XPNPEP3: variants seen among roughly 807,000 people sequenced by gnomAD.
The protein encoded by XPNPEP3 is xaa-Pro aminopeptidase 3.
A neutral mutation model predicts 60.0 loss-of-function variants in XPNPEP3; 41 were observed. That is an observed-to-expected ratio of 0.68 (90% confidence interval 0.53 to 0.89). The LOEUF (loss-of-function observed/expected upper bound fraction) is 0.89. Among genes scored for constraint, XPNPEP3 ranks in the 40% least tolerant of loss-of-function variants. The probability of loss-of-function intolerance (pLI) is 0.00; values close to 1 mark genes in which losing one functional copy is unlikely to be tolerated. For synonymous variants in XPNPEP3, 212 were observed against 223.2 expected, an observed-to-expected ratio of 0.95 and a Z score of 0.45; for missense variants, 598 against 638.9, an observed-to-expected ratio of 0.94 and a Z score of 0.69.
In XPNPEP3 at chr22:40,900,554, C is replaced by T. The variant is rs980198318; in HGVS notation, c.793-7033C>T. ...CTGGTAGGTGGAGGTTGTCATGAAC[C>T]GAGATCGCACCACTGCATTCCAGCC... is the stretch of plus-strand genomic sequence containing the variant. On this transcript the variant is annotated intron_variant, in intron 4 of 9. Coordinates refer to ENST00000357137, the MANE Select transcript of XPNPEP3 (RefSeq NM_022098.4). Among the ~76,000 whole-genome samples the T allele has an allele frequency of 3.9e-5, 6 of 151,956 alleles. No homozygotes were observed. The East Asian group carries it at 5.8e-4, about 15-fold the overall frequency.
At chr22:40,863,858 CTT>C (rs749773119) in intron 1 of XPNPEP3, among the ~76,000 whole-genome samples, 1 of 152,134 alleles carries the variant, frequency 6.6e-6, no homozygotes, top group Non-Finnish European at 1.5e-5. Context: ...GATTTTTAAA[CTT>C]GAGTCTAATT....
At chr22:40,873,788 C>A (rs1424401424) in intron 2 of XPNPEP3, among the ~76,000 whole-genome samples, 2 of 151,718 alleles carry the variant, frequency 1.3e-5, no homozygotes, top group Non-Finnish European at 2.9e-5. Context: ...CCGAGCAAGA[C>A]CGTCTCAAAA....
intron 2 of XPNPEP3, among the ~76,000 whole-genome samples, chr22:40,877,140 CTGTT>C (rs1200802455): frequency 6.6e-6 from 1 of 152,124 alleles, no homozygotes; most frequent in Non-Finnish European, 1.5e-5. Context: ...TGTAGCCTTT[CTGTT>C]TGTTTAGTTT....
chr22:40,909,683 T>G (rs1219266033), intron 6 of XPNPEP3, among the ~76,000 whole-genome samples: 1 of 152,120 alleles, frequency 6.6e-6, no homozygotes, highest in Non-Finnish European at 1.5e-5. Flanking sequence ...GAGAATTGCT[T>G]GAGCCCGGGA....
intron 6 of XPNPEP3, among the ~76,000 whole-genome samples, chr22:40,911,803 G>A (rs150252329): frequency 0.028 from 4,318 of 152,248 alleles, 93 homozygotes; most frequent in Non-Finnish European, 0.042. Context: ...GCCTCCCAAA[G>A]CGCTGGGATT....
In XPNPEP3 at chr22:40,861,442, T is replaced by A. The variant is rs756348480; in HGVS notation, c.64+4197T>A. The A allele has an allele frequency of 9.3e-6, 15 of 1,613,972 alleles. No homozygotes were observed. In the African/African-American group the frequency reaches 1.6e-4, roughly 17 times the overall value. ...ATTTTGTCTGAAGTTGTAACAGATA[T>A]GTAGTTGTCCATCCCACTATTATCA... On this transcript the variant is annotated intron_variant, in intron 1 of 9. Transcript: ENST00000357137.
chr22:40,860,446 C>A, intron 1 of XPNPEP3: 1 of 350,616 alleles, frequency 2.9e-6, no homozygotes, highest in Non-Finnish European at 5.1e-6. Context: ...AGTTATAATG[C>A]ATCAAATGCT....
intron 4 of XPNPEP3, among the ~76,000 whole-genome samples, chr22:40,889,569 T>G (rs539576613): frequency 6.6e-6 from 1 of 152,288 alleles, no homozygotes; most frequent in Admixed American, 6.5e-5. Context: ...GGCTCACCCC[T>G]ATAATCTCAG....
chr22:40,900,828 G>A (rs982402005), intron 4 of XPNPEP3, among the ~76,000 whole-genome samples: 4 of 152,030 alleles, frequency 2.6e-5, no homozygotes, highest in South Asian at 2.1e-4. Context: ...AGCTACTCAC[G>A]AGGCTGAGGT....
chr22:40,887,690 G>A (rs1371620631), intron 4 of XPNPEP3, among the ~76,000 whole-genome samples: 2 of 152,018 alleles, frequency 1.3e-5, no homozygotes, highest in African/African-American at 4.8e-5. Flanking sequence ...TTCAGTCCAT[G>A]GCACATGCAA....
intron 2 of XPNPEP3, among the ~76,000 whole-genome samples, chr22:40,879,150 C>T (rs2058037977): frequency 6.6e-6 from 1 of 152,076 alleles, no homozygotes; most frequent in Non-Finnish European, 1.5e-5. Context: ...GCCTAAGAAA[C>T]CTAGGAGACT....
At position 40,926,729 on chromosome 22, in the gene XPNPEP3, A is replaced by G. The variant is rs1308431060; in HGVS notation, c.*294A>G. 1 of 432,602 alleles carries G rather than the reference A, an allele frequency of 2.3e-6. No homozygotes were observed. Among genetic ancestry groups the G allele is most frequent in the Non-Finnish European group, 4.3e-6 (1 of 233,204 alleles). The allele number at this position is 432,602 out of a possible 1,614,324, so 26.8% of individuals were successfully genotyped here. On this transcript the variant is annotated 3_prime_UTR_variant, in exon 10 of 10. Coordinates refer to ENST00000357137, the MANE Select transcript of XPNPEP3 (RefSeq NM_022098.4). ...TTAAACATAAAGGTCTTGGTTACAC[A>G]TGTCCATGCATTCCAGTTAACACAT...
intron 2 of XPNPEP3, among the ~76,000 whole-genome samples, chr22:40,875,728 A>T (rs979382072): frequency 2.0e-5 from 3 of 151,994 alleles, no homozygotes; most frequent in Non-Finnish European, 4.4e-5. Flanking sequence ...AAAATAAATG[A>T]CTTGGCTGGG....
chr22:40,875,991 G>T (rs2058026376), intron 2 of XPNPEP3, among the ~76,000 whole-genome samples: 1 of 152,108 alleles, frequency 6.6e-6, no homozygotes, highest in Admixed American at 6.6e-5. Flanking sequence ...CTGTGCTCCA[G>T]CCTAGGCAAC....
intron 7 of XPNPEP3, among the ~76,000 whole-genome samples, chr22:40,916,251 C>T (rs1010320017): frequency 6.6e-6 from 1 of 151,658 alleles, no homozygotes; most frequent in African/African-American, 2.4e-5. Context: ...GAGATTGTAC[C>T]ACTGCACTCC....
At chr22:40,858,596 C>T (rs1420989816) in intron 1 of XPNPEP3, among the ~76,000 whole-genome samples, 1 of 131,868 alleles carries the variant, frequency 7.6e-6, no homozygotes, top group East Asian at 2.6e-4. Context: ...GTGGCGCGAT[C>T]TCTTGCCTTA....
chr22:40,922,478 AT>A lies in XPNPEP3; in HGVS notation c.1202del (p.Ile401ThrfsTer2). ...LIGQKLKDLG[I>X]MKNIKENNAF... ...AGGACAGAAGCTTAAAGACTTGGGG[AT>A]CATGAAGAACATTAAGGAAAATAAT... On this transcript the variant is annotated frameshift_variant, in exon 8 of 10. Transcript: ENST00000357137. LOFTEE classifies it high-confidence loss of function. The A allele has an allele frequency of 1.2e-6, 2 of 1,614,058 alleles. No homozygotes were observed. The highest frequency in any genetic ancestry group is 1.7e-6 in the Non-Finnish European group (2 of 1,179,996).
Position 40,897,704 on chromosome 22 carries a change from A to G in XPNPEP3, c.793-9883A>G, listed in dbSNP as rs149452930. Among the ~76,000 whole-genome samples, 99 of 152,272 alleles carry G rather than the reference A, an allele frequency of 6.5e-4. 1 individual carries two copies. Among genetic ancestry groups the G allele is most frequent in the African/African-American group, 2.3e-3 (96 of 41,558 alleles). On this transcript the variant is annotated intron_variant, in intron 4 of 9. Coordinates refer to ENST00000357137, the MANE Select transcript of XPNPEP3 (RefSeq NM_022098.4). ...GGACCATTTCACATTTCTACCAGCAATGCACAAGGGTTCCAGTTTTTCTAC... is the reference window on the plus strand; with the variant it reads ...GGACCATTTCACATTTCTACCAGCAGTGCACAAGGGTTCCAGTTTTTCTAC...
At chr22:40,883,569 C>T (rs994034282) in intron 3 of XPNPEP3, among the ~76,000 whole-genome samples, 3 of 152,038 alleles carry the variant, frequency 2.0e-5, no homozygotes, top group Non-Finnish European at 4.4e-5. Context: ...ACTTTGTTGC[C>T]TAGGCTGGTT....
Sources: allele counts gnomAD v4.1 joint callset (sites outside exome capture counted in the v4.1 genomes callset), GRCh38; gene constraint gnomAD v4.1.1; transcripts MANE v1.5; gene names NCBI Gene and HGNC (gene_info 2026-07-23, HGNC 2026-07-21).